NEMP2: variants seen among roughly 807,000 people sequenced by gnomAD.
NEMP2 encodes nuclear envelope integral membrane protein 2.
A neutral mutation model predicts 54.2 loss-of-function variants in NEMP2; 53 were observed. The observed-to-expected ratio is 0.98, with a 90% CI of 0.78 to 1.23. The LOEUF is 1.23. Among genes scored for constraint, NEMP2 ranks in the 50% most tolerant of loss-of-function variants. NEMP2 has a pLI of 0.00. For missense variants in NEMP2, 455 were observed against 511.3 expected (o/e 0.89, Z 1.06); for synonymous variants, 197 against 190.3 (o/e 1.04, Z -0.29).
chr2:190,576,769 G>A, the NEMP2 span, among the ~76,000 whole-genome samples: 2 of 152,164 alleles, frequency 1.3e-5, no homozygotes, highest in Non-Finnish European at 2.9e-5. Flanking sequence ...GGACACGTGA[G>A]GCTGAATAAG....
In NEMP2 at chr2:190,516,288, T is replaced by A; in HGVS notation, c.709A>T (p.Asn237Tyr). 1 of 1,550,720 alleles carries A rather than the reference T, an allele frequency of 6.4e-7. No homozygotes were observed. The highest frequency in any genetic ancestry group is 8.7e-7 in the Non-Finnish European group (1 of 1,146,614). Reference sequence around the variant, plus strand: ...TACCTACCTAATACATATATCCTGTTTTCATACCACAGCCACTTCAGATCT... The same window carrying A: ...TACCTACCTAATACATATATCCTGTATTCATACCACAGCCACTTCAGATCT... ...MEDLKWLWYE[N>Y]RIYVLGYVLI... Residue 237 changes from asparagine to tyrosine, a missense_variant, in exon 6 of 9, where the codon AAC becomes TAC. Transcript: ENST00000409150.
At chr2:190,547,812 A>G in the NEMP2 span, among the ~76,000 whole-genome samples, 4 of 152,260 alleles carry the variant, frequency 2.6e-5, no homozygotes, top group African/African-American at 9.6e-5. This position sits in a 1 kb window ranked among gnomAD's most constrained non-coding sequence, Gnocchi z 6.2. Context: ...CTGGGATTAC[A>G]GGTGTGAGCC....
At chr2:190,462,338 G>A in the NEMP2 span, among the ~76,000 whole-genome samples, 2 of 152,270 alleles carry the variant, frequency 1.3e-5, no homozygotes, top group South Asian at 4.2e-4. This position sits in a 1 kb window ranked among gnomAD's most constrained non-coding sequence, Gnocchi z 5.7. Context: ...AAGCGTCAGG[G>A]ATTTTAAACA....
downstream of NEMP2, chr2:190,499,906 A>C: frequency 1.3e-6 from 2 of 1,574,308 alleles, no homozygotes; most frequent in Non-Finnish European, 1.7e-6. This position sits in a 1 kb window ranked among gnomAD's most constrained non-coding sequence, Gnocchi z 6.0. Context: ...TGAAATGGGC[A>C]CTTCCGGATG....
chr2:190,550,546 A>G, the NEMP2 span, among the ~76,000 whole-genome samples: 1 of 152,252 alleles, frequency 6.6e-6, no homozygotes, highest in Non-Finnish European at 1.5e-5. This position sits in a 1 kb window ranked among gnomAD's most constrained non-coding sequence, Gnocchi z 4.7. Flanking sequence ...ATTCCACGTT[A>G]CACACACAAC....
chr2:190,565,447 G>A, the NEMP2 span, among the ~76,000 whole-genome samples: 1 of 152,196 alleles, frequency 6.6e-6, no homozygotes, highest in Admixed American at 6.5e-5. Context: ...TTCTTGGGTT[G>A]GGTTCCTTGA....
chr2:190,634,425 TAA>T, the NEMP2 span, among the ~76,000 whole-genome samples: 22 of 151,906 alleles, frequency 1.4e-4, no homozygotes, highest in Admixed American at 6.6e-4. This position sits in a 1 kb window ranked among gnomAD's most constrained non-coding sequence, Gnocchi z 6.8. Context: ...CTATACAAAA[TAA>T]GAGAAACAAA....
chr2:190,602,341 A>G, the NEMP2 span, among the ~76,000 whole-genome samples: 1 of 152,328 alleles, frequency 6.6e-6, no homozygotes, highest in Admixed American at 6.5e-5. Flanking sequence ...GCATTTCTGT[A>G]TTGCAGACTG....
chr2:190,444,965 T>C, the NEMP2 span: 1 of 525,644 alleles, frequency 1.9e-6, no homozygotes, highest in Non-Finnish European at 2.4e-6. Context: ...GTAACAAATT[T>C]AGAGCTAGTG....
chr2:190,623,592 G>A, the NEMP2 span, among the ~76,000 whole-genome samples: 14 of 152,180 alleles, frequency 9.2e-5, no homozygotes, highest in Admixed American at 1.3e-4. Flanking sequence ...ATAAATGGTG[G>A]TGGGAAAACT....
At chr2:190,493,881 G>A in the NEMP2 span, among the ~76,000 whole-genome samples, 1 of 152,050 alleles carries the variant, frequency 6.6e-6, no homozygotes, top group Non-Finnish European at 1.5e-5. Context: ...AAGGGGAAAG[G>A]TCATAGCCTA....
chr2:190,473,182 CA>C, the NEMP2 span, among the ~76,000 whole-genome samples: 3 of 152,126 alleles, frequency 2.0e-5, no homozygotes, highest in African/African-American at 7.2e-5. Flanking sequence ...CATCAACCAA[CA>C]AGCAAAATCA....
At chr2:190,541,300 T>C in the NEMP2 span, among the ~76,000 whole-genome samples, 3 of 152,066 alleles carry the variant, frequency 2.0e-5, no homozygotes, top group African/African-American at 7.2e-5. This position sits in a 1 kb window ranked among gnomAD's most constrained non-coding sequence, Gnocchi z 5.2. Context: ...TCTAGTTCCT[T>C]TCTAGTTCCT....
At chr2:190,633,402 G>A in the NEMP2 span, among the ~76,000 whole-genome samples, 19 of 150,098 alleles carry the variant, frequency 1.3e-4, no homozygotes, top group African/African-American at 3.2e-4. Flanking sequence ...CAGCCTCTGC[G>A]TCTCGGGTTC....
the NEMP2 span, among the ~76,000 whole-genome samples, chr2:190,611,849 A>G: frequency 6.6e-6 from 1 of 152,176 alleles, no homozygotes. This position sits in a 1 kb window ranked among gnomAD's most constrained non-coding sequence, Gnocchi z 5.4. Context: ...AAACCTTGGT[A>G]AGTTTGGGAT....
At chr2:190,641,713 C>A in the NEMP2 span, among the ~76,000 whole-genome samples, 1 of 152,172 alleles carries the variant, frequency 6.6e-6, no homozygotes, top group Admixed American at 6.5e-5. Context: ...AATGAGTGGA[C>A]CGTAGCCAGT....
the NEMP2 span, among the ~76,000 whole-genome samples, chr2:190,445,603 G>A: frequency 2.0e-5 from 3 of 151,870 alleles, no homozygotes; most frequent in African/African-American, 7.3e-5. Context: ...TCCCAAGGAT[G>A]GCATATAACT....
the NEMP2 span, among the ~76,000 whole-genome samples, chr2:190,565,182 C>T: frequency 6.6e-6 from 1 of 151,884 alleles, no homozygotes; most frequent in Admixed American, 6.6e-5. Flanking sequence ...TCAAGAGACA[C>T]CCAGTAGGAA....
rs1691217444 is a variant in NEMP2 at position 190,533,199 on chromosome 2, T to C, written c.97+1360A>G. Among the ~76,000 whole-genome samples, 1 of 152,230 alleles carries C rather than the reference T, an allele frequency of 6.6e-6. No individual in the cohort carries two copies. The highest frequency in any genetic ancestry group is 1.5e-5 in the Non-Finnish European group (1 of 68,032). ...TGGACCAAGGTTATACCACAAGTTG[T>C]GGCTGAAGGAATGAGTGGTCTAGAA... On this transcript the variant is annotated intron_variant, in intron 1 of 8. Coordinates refer to ENST00000409150, the MANE Select transcript of NEMP2 (RefSeq NM_001142645.2). The surrounding 1 kb of genome is among the most constrained non-coding windows in gnomAD (Gnocchi z 4.3).
Sources: gnomAD v4.1 joint callset for allele counts (sites outside exome capture counted in the v4.1 genomes callset) on GRCh38, gnomAD v4.1.1 for gene constraint, Gnocchi (gnomAD v3.1) non-coding constraint, MANE v1.5 for transcripts, NCBI Gene and HGNC (gene_info 2026-07-23, HGNC 2026-07-21) for gene names.